Variants in CTNNA2 observed in about 807,000 individuals in gnomAD.
CTNNA2 encodes catenin alpha 2.
A neutral mutation model predicts 101.0 loss-of-function variants in CTNNA2; 42 were observed. The ratio of observed to expected loss-of-function variants is 0.42; its 90% CI spans 0.32 to 0.54. The LOEUF (loss-of-function observed/expected upper bound fraction) is 0.54, where lower values mean the gene tolerates loss of function less well. CTNNA2 is among the 20% of genes least tolerant of loss of function. CTNNA2 has a pLI of 0.14. For missense variants in CTNNA2, 871 were observed against 1,223.1 expected (o/e 0.71, Z 4.29); for synonymous variants, 450 against 456.4 (o/e 0.99, Z 0.18).
At chr2:80,359,756 T>A (rs116786252) in intron 7 of CTNNA2, among the ~76,000 whole-genome samples, 1,676 of 152,262 alleles carry the variant, frequency 0.011, 19 homozygotes, top group South Asian at 0.056. Context: ...TAGAGCAGTG[T>A]AAGAATGGAC....
chr2:79,648,338 G>A (rs1338572688), intron 1 of CTNNA2, among the ~76,000 whole-genome samples: 1 of 152,118 alleles, frequency 6.6e-6, no homozygotes, highest in East Asian at 1.9e-4. Context: ...GTTCATACTA[G>A]AACTCTGGAG....
chr2:80,492,919 G>A (rs1687174982), intron 9 of CTNNA2, among the ~76,000 whole-genome samples: 1 of 152,038 alleles, frequency 6.6e-6, no homozygotes, highest in African/African-American at 2.4e-5. Context: ...TAAAATGTGG[G>A]ACCCCGAATT....
chr2:79,395,767 A>G (rs964590982), intron 4 of CTNNA2, among the ~76,000 whole-genome samples: 4 of 152,158 alleles, frequency 2.6e-5, no homozygotes, highest in African/African-American at 9.7e-5. Context: ...AGGATCTCTG[A>G]TAAGATGGAA....
At chr2:79,930,215 C>A (rs1687292966) in intron 7 of CTNNA2, among the ~76,000 whole-genome samples, 1 of 146,268 alleles carries the variant, frequency 6.8e-6, no homozygotes. Context: ...TGCACTGTAG[C>A]CTGGGTGACA....
intron 4 of CTNNA2, among the ~76,000 whole-genome samples, chr2:79,413,677 C>G (rs561660538): frequency 6.6e-6 from 1 of 151,858 alleles, no homozygotes. Context: ...TTCATTTCCA[C>G]CAATAGTGTG....
intron 7 of CTNNA2, among the ~76,000 whole-genome samples, chr2:80,368,204 A>T (rs1182580522): frequency 1.3e-5 from 2 of 152,124 alleles, no homozygotes; most frequent in African/African-American, 4.8e-5. Context: ...AATCTTTACC[A>T]TTTTTAGACT....
intron 1 of CTNNA2, among the ~76,000 whole-genome samples, chr2:79,578,740 C>A (rs769931869): frequency 9.2e-5 from 14 of 152,246 alleles, no homozygotes; most frequent in Non-Finnish European, 1.8e-4. Context: ...GTTTGACAGT[C>A]TCCAAGTCAC....
At chr2:79,790,389 G>A (rs1269561038) in intron 3 of CTNNA2, among the ~76,000 whole-genome samples, 1 of 152,174 alleles carries the variant, frequency 6.6e-6, no homozygotes, top group Non-Finnish European at 1.5e-5. Flanking sequence ...CTCTTTGCCA[G>A]TTAAGAGAAT....
chr2:79,930,500 G>A (rs1488392576), intron 7 of CTNNA2, among the ~76,000 whole-genome samples: 1 of 152,126 alleles, frequency 6.6e-6, no homozygotes, highest in Admixed American at 6.5e-5. Context: ...AACTGGTGGA[G>A]AATGAAACTT....
chr2:80,455,327 TAATTGCC>T (rs1229927022), intron 9 of CTNNA2, among the ~76,000 whole-genome samples: 4 of 152,200 alleles, frequency 2.6e-5, no homozygotes, highest in Non-Finnish European at 4.4e-5. Context: ...ACCCAGCTAG[TAATTGCC>T]AGGTTGAATG....
intron 7 of CTNNA2, among the ~76,000 whole-genome samples, chr2:80,142,548 A>G (rs1378331412): frequency 6.6e-6 from 1 of 152,216 alleles, no homozygotes; most frequent in Admixed American, 6.5e-5. Context: ...CTATCTGGAG[A>G]TGGAACATTC....
At chr2:79,501,508 G>T (rs1229642409) in intron 4 of CTNNA2, among the ~76,000 whole-genome samples, 1 of 152,094 alleles carries the variant, frequency 6.6e-6, no homozygotes, top group Non-Finnish European at 1.5e-5. Context: ...TTCAACTGCC[G>T]TAATAGTGAT....
At position 79,896,138 on chromosome 2, in the gene CTNNA2, C is replaced by A. The variant is rs745457240; in HGVS notation, c.853-13456C>A. 5.9e-5 allele frequency among the ~76,000 whole-genome samples: 9 copies of A among 152,050 alleles called. 1 individual carries two copies. The highest frequency in any genetic ancestry group is 1.2e-4 in the Non-Finnish European group (8 of 68,016). Reference sequence around the variant, plus strand: ...TATCTACAAAAAATACAAACATTAGCCAGGTGTGGTGCCATGTGCCTGTAG... The same window carrying A: ...TATCTACAAAAAATACAAACATTAGACAGGTGTGGTGCCATGTGCCTGTAG... On this transcript the variant is annotated intron_variant, in intron 6 of 18. Coordinates refer to ENST00000402739, the MANE Select transcript of CTNNA2 (RefSeq NM_001282597.3).
rs551804574 is a variant in CTNNA2 at position 80,453,543 on chromosome 2, G to T, written c.1290+33942G>T. On this transcript the variant is annotated intron_variant, in intron 9 of 18. Coordinates refer to ENST00000402739, the MANE Select transcript of CTNNA2 (RefSeq NM_001282597.3). The stretch of plus-strand genomic sequence containing the variant: ...GTGTGTGATTCGCTCACGTAATTCT[G>T]TTTAGCTCCACGAAAGCTGTTAAAA... 1.3e-4 allele frequency among the ~76,000 whole-genome samples: 20 copies of T among 152,068 alleles called. 1 individual carries two copies. Among genetic ancestry groups the T allele is most frequent in the Admixed American group, 1.2e-3 (18 of 15,242 alleles).
chr2:79,467,031 G>T (rs1670944988), intron 4 of CTNNA2, among the ~76,000 whole-genome samples: 1 of 152,226 alleles, frequency 6.6e-6, no homozygotes, highest in Admixed American at 6.5e-5. Context: ...GACGGAGAAT[G>T]ACCTTTAAGA....
At chr2:80,275,396 T>C (rs1391006887) in intron 7 of CTNNA2, among the ~76,000 whole-genome samples, 1 of 152,246 alleles carries the variant, frequency 6.6e-6, no homozygotes. Context: ...CCATTTGATT[T>C]AATTAAATGG....
intron 9 of CTNNA2, among the ~76,000 whole-genome samples, chr2:80,483,333 GT>G (rs1686293691): frequency 6.7e-6 from 1 of 148,690 alleles, no homozygotes; most frequent in African/African-American, 2.5e-5. Flanking sequence ...ATGATTTGCA[GT>G]CTCTTTTTGT....
intron 13 of CTNNA2, among the ~76,000 whole-genome samples, chr2:80,577,969 C>T (rs571472850): frequency 6.6e-6 from 1 of 152,250 alleles, no homozygotes; most frequent in African/African-American, 2.4e-5. Flanking sequence ...CTCAACAACT[C>T]ACATGTCCAG....
intron 1 of CTNNA2, among the ~76,000 whole-genome samples, chr2:79,621,510 T>C (rs1189446479): frequency 6.6e-6 from 1 of 152,136 alleles, no homozygotes; most frequent in Non-Finnish European, 1.5e-5. Flanking sequence ...CTGGGACAAT[T>C]TGAGCAATAC....
Sources: allele counts gnomAD v4.1 joint callset (sites outside exome capture counted in the v4.1 genomes callset), GRCh38; gene constraint gnomAD v4.1.1; transcripts MANE v1.5; gene names NCBI Gene and HGNC (gene_info 2026-07-23, HGNC 2026-07-21).